Variants in AGFG1 observed in about 807,000 individuals in gnomAD.
The protein encoded by AGFG1 is arf-GAP domain and FG repeat-containing protein 1.
In AGFG1, 10 loss-of-function variants were observed where a neutral mutation model predicts 60.6. The ratio of observed to expected loss-of-function variants is 0.16; its 90% CI spans 0.10 to 0.28. AGFG1 has a LOEUF of 0.28. Among genes scored for constraint, AGFG1 ranks in the 10% least tolerant of loss-of-function variants. AGFG1 has a pLI of 1.00. For synonymous variants in AGFG1, 247 were observed against 242.9 expected (o/e 1.02, Z -0.16); for missense variants, 537 against 676.5 (o/e 0.79, Z 2.29).
rs972818472 is a variant in AGFG1, at chr2:227,560,915, C to T, written c.*6420C>T. ...TGTCCTAATAGCTCATAAAAAGTAC[C>T]TTTGCACTTTAAATCCTAGGAATAG... On this transcript the variant is annotated 3_prime_UTR_variant, in exon 13 of 13. Transcript: ENST00000310078. 2.6e-5 allele frequency: 4 copies of T among 152,058 alleles called. No homozygotes were observed. The highest frequency in any genetic ancestry group is 9.7e-5 in the African/African-American group (4 of 41,406). The allele number at this position is 152,058 out of a possible 1,614,324, so 9.4% of individuals were successfully genotyped here. A position where few individuals can be genotyped will look rare whatever the true frequency, so the allele number is the denominator to read the frequency against.
At position 227,549,961 on chromosome 2, in the gene AGFG1, C is replaced by T. The variant is rs761939129; in HGVS notation, c.1379-1998C>T. On this transcript the variant is annotated intron_variant, in intron 10 of 12. Transcript: ENST00000310078. ...GCTACCCCCTTAGCAACAGTACACT[C>T]GAATTTTATAACTTTTTAATGAAAC... 1.5e-5 allele frequency: 6 copies of T among 389,996 alleles called. No homozygotes were observed. In the East Asian group the frequency reaches 4.0e-4, roughly 26 times the overall value. 24.2% of individuals were successfully genotyped at this position (389,996 alleles called of 1,614,324 possible). A position where few individuals can be genotyped will look rare whatever the true frequency, so the allele number is the denominator to read the frequency against.
chr2:227,506,968 C>G (rs1410415921), intron 2 of AGFG1, among the ~76,000 whole-genome samples: 8 of 152,118 alleles, frequency 5.3e-5, no homozygotes, highest in Non-Finnish European at 1.5e-5. Flanking sequence ...GAAAGATCCA[C>G]TATTTCATAG....
At chr2:227,528,818 C>T (rs1692071355) in intron 5 of AGFG1, among the ~76,000 whole-genome samples, 2 of 152,132 alleles carry the variant, frequency 1.3e-5, no homozygotes, top group Admixed American at 6.5e-5. Context: ...TCAACAGCTC[C>T]CTTAAAATGC....
intron 2 of AGFG1, among the ~76,000 whole-genome samples, chr2:227,494,430 A>G (rs913358020): frequency 2.8e-4 from 42 of 152,248 alleles, no homozygotes; most frequent in Admixed American, 1.9e-3. Flanking sequence ...AAAAGGCTCT[A>G]TCATACATCT....
intron 5 of AGFG1, among the ~76,000 whole-genome samples, chr2:227,530,650 G>A (rs1692129909): frequency 6.6e-6 from 1 of 151,316 alleles, no homozygotes; most frequent in Admixed American, 6.6e-5. Flanking sequence ...AACCATTTTT[G>A]TATTATTATT....
intron 5 of AGFG1, among the ~76,000 whole-genome samples, chr2:227,530,215 T>C (rs1051224047): frequency 6.6e-6 from 1 of 152,216 alleles, no homozygotes; most frequent in African/African-American, 2.4e-5. Flanking sequence ...TGTTACATTC[T>C]GCTTAGCTTG....
chr2:227,530,636 AT>A (rs35002063), intron 5 of AGFG1, among the ~76,000 whole-genome samples: 7,860 of 151,986 alleles, frequency 0.052, 261 homozygotes, highest in African/African-American at 0.1. Flanking sequence ...AGCTCTATTA[AT>A]TAAACCATTT....
At chr2:227,521,726 A>G (rs1439232626) in intron 3 of AGFG1, among the ~76,000 whole-genome samples, 1 of 152,246 alleles carries the variant, frequency 6.6e-6, no homozygotes, top group Non-Finnish European at 1.5e-5. Context: ...CTAGCTATCA[A>G]CAGAAAAGTG....
intron 2 of AGFG1, among the ~76,000 whole-genome samples, chr2:227,498,447 T>C (rs766927998): frequency 1.3e-5 from 2 of 152,234 alleles, no homozygotes; most frequent in Non-Finnish European, 2.9e-5. Flanking sequence ...AATTAAAATA[T>C]TAAAGCACAC....
At chr2:227,553,587 A>T (rs895560050) in intron 11 of AGFG1, 117 bp from the exon 12 acceptor site, 3 of 805,512 alleles carry the variant, frequency 3.7e-6, no homozygotes, top group African/African-American at 3.5e-5. Context: ...ACTTAACTTT[A>T]ACATTTTATT....
At chr2:227,500,480 C>T (rs1332389272) in intron 2 of AGFG1, among the ~76,000 whole-genome samples, 3 of 152,184 alleles carry the variant, frequency 2.0e-5, no homozygotes, top group East Asian at 3.9e-4. Flanking sequence ...CATTGTCTCT[C>T]AGAACCTGCT....
intron 1 of AGFG1, among the ~76,000 whole-genome samples, chr2:227,473,383 C>T (rs887588182): frequency 6.6e-6 from 1 of 152,024 alleles, no homozygotes; most frequent in Non-Finnish European, 1.5e-5. Context: ...CTGTGTGATT[C>T]TAAATATGAT....
At chr2:227,500,539 G>C (rs144166713) in intron 2 of AGFG1, among the ~76,000 whole-genome samples, 42 of 152,264 alleles carry the variant, frequency 2.8e-4, no homozygotes, top group African/African-American at 1.0e-3. Context: ...AGAATGCTCA[G>C]AGCCATAGCA....
chr2:227,516,183 C>T (rs941775044), intron 2 of AGFG1, among the ~76,000 whole-genome samples: 8 of 152,174 alleles, frequency 5.3e-5, no homozygotes, highest in Non-Finnish European at 7.4e-5. Flanking sequence ...CAAACTTTAG[C>T]CCACTTCAGA....
intron 1 of AGFG1, among the ~76,000 whole-genome samples, chr2:227,483,673 G>T (rs1690534638): frequency 2.0e-5 from 3 of 152,086 alleles, no homozygotes. Flanking sequence ...CCTCCTTGTT[G>T]CTAAGTAGTA....
chr2:227,473,934 T>C (rs990734515), intron 1 of AGFG1, among the ~76,000 whole-genome samples: 1 of 152,222 alleles, frequency 6.6e-6, no homozygotes, highest in Non-Finnish European at 1.5e-5. Flanking sequence ...TCTTGTTCTC[T>C]TGGTTCTTAC....
intron 10 of AGFG1, among the ~76,000 whole-genome samples, chr2:227,548,923 C>T (rs987025951): frequency 4.6e-5 from 7 of 151,710 alleles, no homozygotes; most frequent in Admixed American, 3.9e-4. Flanking sequence ...GGCGACAGAG[C>T]GAGACTCCGT....
At chr2:227,519,462 A>C (rs1691764372) in intron 2 of AGFG1, among the ~76,000 whole-genome samples, 1 of 152,198 alleles carries the variant, frequency 6.6e-6, no homozygotes, top group African/African-American at 2.4e-5. Context: ...ATTGGACCAA[A>C]AATGCATAGG....
chr2:227,481,578 G>A (rs1690465560), intron 1 of AGFG1, among the ~76,000 whole-genome samples: 1 of 152,106 alleles, frequency 6.6e-6, no homozygotes, highest in African/African-American at 2.4e-5. Context: ...CTTACTGCTG[G>A]TATTTTGTTT....
Sources: gnomAD v4.1 joint callset for allele counts (sites outside exome capture counted in the v4.1 genomes callset) on GRCh38, gnomAD v4.1.1 for gene constraint, MANE v1.5 for transcripts, NCBI Gene and HGNC (gene_info 2026-07-23, HGNC 2026-07-21) for gene names.